GUCY1A2: variants seen among roughly 807,000 people sequenced by gnomAD.
GUCY1A2 encodes guanylate cyclase soluble subunit alpha-2.
In GUCY1A2, 27 loss-of-function variants were observed where a neutral mutation model predicts 63.5. The observed-to-expected ratio is 0.43, with a 90% CI of 0.31 to 0.59. GUCY1A2 has a LOEUF of 0.59. Ranked by LOEUF, GUCY1A2 falls within the 20% of genes least tolerant of loss-of-function variation. The pLI, the probability that GUCY1A2 is intolerant of heterozygous loss-of-function variation, is 0.11. For synonymous variants in GUCY1A2, 364 were observed against 343.5 expected, an observed-to-expected ratio of 1.06 and a Z score of -0.66; for missense variants, 768 against 913.3, an observed-to-expected ratio of 0.84 and a Z score of 2.05.
intron 4 of GUCY1A2, among the ~76,000 whole-genome samples, chr11:106,869,651 G>A (rs980469589): frequency 2.0e-5 from 3 of 152,180 alleles, no homozygotes; most frequent in Non-Finnish European, 4.4e-5. Context: ...ATTTTACACT[G>A]TTGGTGGGAC....
chr11:106,965,191 C>T (rs973203174), intron 3 of GUCY1A2, among the ~76,000 whole-genome samples: 1 of 151,832 alleles, frequency 6.6e-6, no homozygotes, highest in Non-Finnish European at 1.5e-5. Context: ...GTACTCCTTT[C>T]CTGTAGTTTA....
chr11:106,996,688 G>A (rs559101195), intron 1 of GUCY1A2, among the ~76,000 whole-genome samples: 1 of 152,336 alleles, frequency 6.6e-6, no homozygotes, highest in African/African-American at 2.4e-5. Context: ...CAGTGGCTAA[G>A]AGACTGATTA....
intron 4 of GUCY1A2, among the ~76,000 whole-genome samples, chr11:106,857,541 T>C (rs1021003484): frequency 5.9e-5 from 9 of 152,212 alleles, no homozygotes; most frequent in Non-Finnish European, 8.8e-5. Context: ...AACCTTCAAC[T>C]GACCTGACCT....
chr11:106,995,859 G>A (rs886117369), intron 1 of GUCY1A2, among the ~76,000 whole-genome samples: 1 of 152,170 alleles, frequency 6.6e-6, no homozygotes. Context: ...GGATAGGAAT[G>A]GATCTCATGA....
intron 4 of GUCY1A2, among the ~76,000 whole-genome samples, chr11:106,862,307 G>C (rs1279052201): frequency 1.6e-5 from 2 of 128,866 alleles, no homozygotes; most frequent in African/African-American, 3.0e-5. Context: ...TCATATAATT[G>C]TTATGAGAAT....
At chr11:106,970,331 G>C (rs1565347073) in intron 3 of GUCY1A2, among the ~76,000 whole-genome samples, 1 of 152,150 alleles carries the variant, frequency 6.6e-6, no homozygotes, top group East Asian at 1.9e-4. Flanking sequence ...AAGCAAAAGA[G>C]AAAGAGTCTA....
At chr11:106,775,188 C>G (rs1864333624) in intron 6 of GUCY1A2, among the ~76,000 whole-genome samples, 1 of 151,942 alleles carries the variant, frequency 6.6e-6, no homozygotes. Context: ...GAAATTCTGA[C>G]TTAAGTCAGG....
At chr11:106,901,440 G>A (rs925016512) in intron 4 of GUCY1A2, among the ~76,000 whole-genome samples, 4 of 152,084 alleles carry the variant, frequency 2.6e-5, no homozygotes, top group East Asian at 1.9e-4. Context: ...CCCATGAATC[G>A]TCAATGTTCT....
intron 6 of GUCY1A2, among the ~76,000 whole-genome samples, chr11:106,726,576 G>A (rs1410888278): frequency 1.3e-5 from 2 of 152,134 alleles, no homozygotes; most frequent in Non-Finnish European, 2.9e-5. Flanking sequence ...CGGGTGGGCA[G>A]GAAACACTAC....
At chr11:106,853,042 C>A (rs1859377519) in intron 4 of GUCY1A2, among the ~76,000 whole-genome samples, 1 of 152,126 alleles carries the variant, frequency 6.6e-6, no homozygotes, top group Non-Finnish European at 1.5e-5. Flanking sequence ...TTACATGTAA[C>A]TGAATTCTTT....
intron 3 of GUCY1A2, among the ~76,000 whole-genome samples, chr11:106,946,799 CAA>C: frequency 6.6e-6 from 1 of 152,000 alleles, no homozygotes; most frequent in African/African-American, 2.4e-5. Flanking sequence ...GTGATGGTTG[CAA>C]AACTTTGTGA....
rs771719656 is a variant in GUCY1A2 at position 106,810,409 on chromosome 11, A to G, written c.1276T>C (p.Cys426Arg). Residue 426 changes from cysteine to arginine, a missense_variant, in exon 5 of 8, where the codon TGT (cysteine) becomes CGT (arginine). By Grantham distance (180) the Cys-to-Arg change is radical (BLOSUM62 -3). Transcript: ENST00000526355. ...ATGAGTTCATCCAACTTGTCCACAC[A>G]TGGAGAGCCCAAAAATAAAATGGAA... ...SNSILFLGSP[C>R]VDKLDELMGR... 3 of 1,612,662 alleles carry G rather than the reference A, an allele frequency of 1.9e-6. No homozygotes were observed. Among genetic ancestry groups the G allele is most frequent in the East Asian group, 2.2e-5 (1 of 44,868 alleles).
Position 106,853,795 on chromosome 11 carries a change from C to T in GUCY1A2, c.1207-43317G>A, listed in dbSNP as rs1859388629. Among the ~76,000 whole-genome samples the T allele has an allele frequency of 2.0e-5, 3 of 152,062 alleles. No homozygotes were observed. The South Asian group carries it at 6.2e-4, about 32-fold the overall frequency. ...TCCAATTTTATGGACTGGCTTTAGT[C>T]GGGAAAGATTTTTTTCCCTGTAAGT... On this transcript the variant is annotated intron_variant, in intron 4 of 7. Coordinates refer to ENST00000526355, the MANE Select transcript of GUCY1A2 (RefSeq NM_000855.3).
At chr11:106,968,895 T>C (rs1165847516) in intron 3 of GUCY1A2, among the ~76,000 whole-genome samples, 2 of 135,394 alleles carry the variant, frequency 1.5e-5, no homozygotes, top group Non-Finnish European at 3.2e-5. Context: ...GGTCTCAAAC[T>C]TATTAGATTT....
Position 106,680,525 on chromosome 11 carries a change from A to G in GUCY1A2, c.*7024T>C, listed in dbSNP as rs1424520618. On this transcript the variant is annotated 3_prime_UTR_variant, in exon 8 of 8. Transcript: ENST00000526355. ...TAAGTCTAATATAAAGAATGATCTG[A>G]TCAGCAACTAGCTGAATTAACTGGA... 2 of 197,934 alleles carry G rather than the reference A, an allele frequency of 1.0e-5. No homozygotes were observed. The highest frequency in any genetic ancestry group is 1.6e-4 in the East Asian group (2 of 12,666). The allele number at this position is 197,934 out of a possible 1,614,324, so 12.3% of individuals were successfully genotyped here.
At chr11:106,971,725 T>C (rs534393748) in intron 3 of GUCY1A2, among the ~76,000 whole-genome samples, 3 of 152,222 alleles carry the variant, frequency 2.0e-5, no homozygotes, top group Non-Finnish European at 4.4e-5. Flanking sequence ...ACACATATAT[T>C]CTCTTGCTCT....
At chr11:106,691,129 A>G (rs1393913338) in intron 7 of GUCY1A2, among the ~76,000 whole-genome samples, 1 of 152,208 alleles carries the variant, frequency 6.6e-6, no homozygotes, top group Admixed American at 6.5e-5. Context: ...TCAATCATTG[A>G]TGTCAATCAA....
At chr11:106,990,916 G>A (rs1203792141) in intron 1 of GUCY1A2, among the ~76,000 whole-genome samples, 1 of 152,192 alleles carries the variant, frequency 6.6e-6, no homozygotes, top group African/African-American at 2.4e-5. Flanking sequence ...TTTCTGCTTA[G>A]TGACATATAC....
chr11:106,850,734 T>A (rs1859342277), intron 4 of GUCY1A2, among the ~76,000 whole-genome samples: 1 of 151,916 alleles, frequency 6.6e-6, no homozygotes. Context: ...TCTTTAACCA[T>A]TCATCCATTG....
Sources: gnomAD v4.1 joint callset for allele counts (sites outside exome capture counted in the v4.1 genomes callset) on GRCh38, gnomAD v4.1.1 for gene constraint, MANE v1.5 for transcripts, NCBI Gene and HGNC (gene_info 2026-07-23, HGNC 2026-07-21) for gene names.